Variants in APPL2 observed in about 807,000 individuals in gnomAD.
The protein encoded by APPL2 is adaptor protein, phosphotyrosine interacting with PH domain and leucine zipper 2, also known as DCC-interacting protein 13-beta.
In APPL2, 84 loss-of-function variants were observed where a neutral mutation model predicts 92.7. That is an observed-to-expected ratio of 0.91 (90% CI 0.76 to 1.09). The LOEUF (loss-of-function observed/expected upper bound fraction) is 1.09, where lower values mean the gene tolerates loss of function less well. Among genes scored for constraint, APPL2 ranks in the 50% least tolerant of loss-of-function variants. The probability of loss-of-function intolerance (pLI) is 0.00; values close to 1 mark genes in which losing one functional copy is unlikely to be tolerated. For synonymous variants in APPL2, 291 were observed against 291.0 expected (o/e 1.00, Z 0.00); for missense variants, 736 against 824.5 (o/e 0.89, Z 1.31).
At chr12:105,199,264 C>G in intron 10 of APPL2, 109 bp downstream of exon 10, 1 of 1,342,526 alleles carries the variant, frequency 7.4e-7, no homozygotes, top group Non-Finnish European at 1.0e-6. Context: ...TCTTCCCAGT[C>G]TCACCCACCC....
At chr12:105,190,252 A>G in intron 14 of APPL2, 97 bp from the exon 15 acceptor site, 1 of 1,321,126 alleles carries the variant, frequency 7.6e-7, no homozygotes, top group Non-Finnish European at 1.0e-6. Context: ...TGAAAATACA[A>G]GGGGAAAGAT....
At position 105,217,149 on chromosome 12, in the gene APPL2, AAAG is replaced by A. The variant is rs1889759281; in HGVS notation, c.214-12_214-10del. ...TTGCCAAGAGCAAAGTTCTAAGACC[AAAG>A]AATAAAAGAAGCAGGTGTTAAGTGA... On this transcript the variant is annotated splice_polypyrimidine_tract_variant and intron_variant, in intron 3 of 20. Transcript: ENST00000258530. 2 of 1,584,826 alleles carry A rather than the reference AAAG, an allele frequency of 1.3e-6. No individual in the cohort carries two copies. The highest frequency in any genetic ancestry group is 2.7e-5 in the African/African-American group (2 of 73,876).
rs1456614879 is a variant in APPL2, at chr12:105,176,888, T to C, written c.1800A>G (p.Ser600=). The change falls in exon 19 of 21, where the codon TCA becomes TCG. Residue 600 remains serine (S), a synonymous_variant. Transcript: ENST00000258530. The part of the protein sequence containing the change: ...SLSTYIFESN[S]EGEKICYAIN... ...ATGAAAAAGAGACCTTTTCGCCTTC[T>C]GAGTTGCTTTCAAAAATGTATGTAC... is the stretch of plus-strand genomic sequence containing the variant. 1 of 1,614,052 alleles carries C rather than the reference T, an allele frequency of 6.2e-7. No homozygotes were observed. The highest frequency in any genetic ancestry group is 1.3e-5 in the African/African-American group (1 of 75,056).
intron 17 of APPL2, among the ~76,000 whole-genome samples, chr12:105,186,706 TATATC>T (rs1187889151): frequency 1.2e-4 from 14 of 119,558 alleles, no homozygotes; most frequent in Admixed American, 4.0e-4. Context: ...TATCATATCA[TATATC>T]ATATCATATA....
At position 105,188,315 on chromosome 12, in the gene APPL2, C is replaced by A. The variant is rs565347239; in HGVS notation, c.1592G>T (p.Arg531Leu). The A allele has an allele frequency of 3.7e-6, 6 of 1,614,168 alleles. No individual in the cohort carries two copies. Among genetic ancestry groups the A allele is most frequent in the Non-Finnish European group, 5.1e-6 (6 of 1,180,032 alleles). ...GACCATCAGATGGGATTCTGTCATG[C>A]GGAAGATGTTATGAATAGCCCGAGC... ...LAARAIHNIFRMTESHLMVTS... is the reference protein window; with the variant it reads ...LAARAIHNIFLMTESHLMVTS... Residue 531 changes from arginine to leucine, a missense_variant, in exon 17 of 21, where the codon CGC becomes CTC. Coordinates refer to ENST00000258530, the MANE Select transcript of APPL2 (RefSeq NM_018171.5).
chr12:105,228,897 T>C (rs869252840), intron 2 of APPL2, among the ~76,000 whole-genome samples: 5 of 152,240 alleles, frequency 3.3e-5, no homozygotes, highest in Non-Finnish European at 5.9e-5. Context: ...GGAGCAGTTA[T>C]GTGGCCCATC....
At chr12:105,223,465 G>C (rs1430840312) in intron 2 of APPL2, among the ~76,000 whole-genome samples, 2 of 152,072 alleles carry the variant, frequency 1.3e-5, no homozygotes, top group Admixed American at 6.5e-5. Flanking sequence ...CAGAGCCCAG[G>C]AGGGGGCCAG....
chr12:105,184,932 C>G (rs925384471), intron 17 of APPL2, among the ~76,000 whole-genome samples: 3 of 152,110 alleles, frequency 2.0e-5, no homozygotes, highest in African/African-American at 7.2e-5. Context: ...GGGCTGCTAC[C>G]TTTCTTTCAG....
intron 11 of APPL2, among the ~76,000 whole-genome samples, chr12:105,197,032 A>G (rs1266267310): frequency 6.6e-6 from 1 of 152,040 alleles, no homozygotes; most frequent in Non-Finnish European, 1.5e-5. Flanking sequence ...TCAAATCTTA[A>G]TAGAATGCAG....
intron 3 of APPL2, 86 bp downstream of exon 3, chr12:105,217,580 T>C (rs1201499283): frequency 1.4e-5 from 18 of 1,258,422 alleles, no homozygotes; most frequent in Admixed American, 4.2e-5. Flanking sequence ...ACAAATAATT[T>C]AGGTCTCTAA....
At chr12:105,222,200 C>T (rs1238899189) in intron 2 of APPL2, among the ~76,000 whole-genome samples, 1 of 152,136 alleles carries the variant, frequency 6.6e-6, no homozygotes, top group Non-Finnish European at 1.5e-5. Context: ...CCTGCTGGAC[C>T]TGGACTTTAT....
Position 105,173,405 on chromosome 12 carries a change from C to A in APPL2, c.*909G>T, listed in dbSNP as rs1409642571. On this transcript the variant is annotated 3_prime_UTR_variant, in exon 21 of 21. Coordinates refer to ENST00000258530, the MANE Select transcript of APPL2 (RefSeq NM_018171.5). ...ACTGTACCGATTCAAAATCATTATA[C>A]TAGTTTGATAGGGAGGAGGGATGGG... 5 of 152,562 alleles carry A rather than the reference C, an allele frequency of 3.3e-5. No homozygotes were observed. The highest frequency in any genetic ancestry group is 2.6e-4 in the Admixed American group (4 of 15,278). 9.5% of individuals were successfully genotyped at this position (152,562 alleles called of 1,614,324 possible). A position where few individuals can be genotyped will look rare whatever the true frequency, so the allele number is the denominator to read the frequency against.
At position 105,207,955 on chromosome 12, in the gene APPL2, T is replaced by C. The variant is rs369781930; in HGVS notation, c.474+16A>G. On this transcript the variant is annotated intron_variant, in intron 7 of 20. Transcript: ENST00000258530. ...TATGTAAATGAAGTGAAAAACAACA[T>C]GTAAAGTATTCTTACCTTCTCATTC... The C allele has an allele frequency of 7.5e-6, 12 of 1,606,078 alleles. No individual in the cohort carries two copies. The highest frequency in any genetic ancestry group is 1.0e-5 in the Non-Finnish European group (12 of 1,172,820).
chr12:105,219,287 A>T (rs554453865), intron 2 of APPL2, among the ~76,000 whole-genome samples: 1 of 152,310 alleles, frequency 6.6e-6, no homozygotes, highest in South Asian at 2.1e-4. Flanking sequence ...CTGTTCCCTG[A>T]CTTCCTGCTC....
intron 19 of APPL2, among the ~76,000 whole-genome samples, chr12:105,176,614 T>A (rs1885567986): frequency 6.6e-6 from 1 of 152,232 alleles, no homozygotes; most frequent in Admixed American, 6.5e-5. Flanking sequence ...TTTCAACATT[T>A]CCTTATATCC....
chr12:105,200,126 G>A (rs1265168433), intron 9 of APPL2, among the ~76,000 whole-genome samples: 2 of 151,996 alleles, frequency 1.3e-5, no homozygotes, highest in Non-Finnish European at 2.9e-5. Context: ...GAGCCACCGC[G>A]CCCGGCTGAA....
chr12:105,207,150 A>G lies in APPL2; in HGVS notation c.532T>C (p.Ser178Pro). 1 of 1,614,110 alleles carries G rather than the reference A, an allele frequency of 6.2e-7. No individual in the cohort carries two copies. ...AAARRKQHLS[S>P]LQYYCALNAL... ...TTGAGGGCACAGTAGTACTGAAGGGAGGAGAGGTGCTGCTTCCGCCGGGCC... is the reference window on the plus strand; with the variant it reads ...TTGAGGGCACAGTAGTACTGAAGGGGGGAGAGGTGCTGCTTCCGCCGGGCC... Residue 178 changes from serine to proline, a missense_variant, in exon 8 of 21, where the codon TCC (serine) becomes CCC (proline). Transcript: ENST00000258530.
intron 3 of APPL2, 80 bp from the exon 4 acceptor site, chr12:105,217,220 C>T (rs1889764214): frequency 1.2e-6 from 1 of 865,076 alleles, no homozygotes; most frequent in African/African-American, 1.7e-5. Context: ...CAGAACACGA[C>T]CCTCCACACC....
intron 4 of APPL2, among the ~76,000 whole-genome samples, chr12:105,211,831 T>A (rs1889247627): frequency 6.6e-6 from 1 of 152,142 alleles, no homozygotes; most frequent in African/African-American, 2.4e-5. Flanking sequence ...GAAAGAATAC[T>A]CCCTAACGGC....
Sources: gnomAD v4.1 joint callset for allele counts (sites outside exome capture counted in the v4.1 genomes callset) on GRCh38, gnomAD v4.1.1 for gene constraint, MANE v1.5 for transcripts, NCBI Gene and HGNC (gene_info 2026-07-23, HGNC 2026-07-21) for gene names.